Variants in ACTR8 observed in about 807,000 individuals in gnomAD.
ACTR8 encodes the protein actin-related protein 8.
A neutral mutation model predicts 84.3 loss-of-function variants in ACTR8; 70 were observed. The ratio of observed to expected loss-of-function variants is 0.83; its 90% CI spans 0.68 to 1.01. The LOEUF is 1.01. Among genes scored for constraint, ACTR8 ranks in the 50% least tolerant of loss-of-function variants. The pLI is 0.00. For missense variants in ACTR8, 672 were observed against 775.4 expected, an observed-to-expected ratio of 0.87 and a Z score of 1.58; for synonymous variants, 268 against 275.2, an observed-to-expected ratio of 0.97 and a Z score of 0.26.
chr3:53,869,925 A>G (rs954987069), intron 12 of ACTR8, 57 bp downstream of exon 12: 1 of 1,591,018 alleles, frequency 6.3e-7, no homozygotes, highest in Admixed American at 1.7e-5. Context: ...TGATCTGTCC[A>G]CATACAAGGC....
chr3:53,876,089 G>GC lies in ACTR8; in HGVS notation c.779-10_779-9insG. The GC allele has an allele frequency of 1.3e-6, 2 of 1,582,232 alleles. No individual in the cohort carries two copies. Among genetic ancestry groups the GC allele is most frequent in the South Asian group, 2.2e-5 (2 of 89,970 alleles). On this transcript the variant is annotated splice_polypyrimidine_tract_variant and intron_variant, in intron 6 of 12. Transcript: ENST00000335754. ...CTGATGGACCACAATCCCTGGGGGGGGAAAAGAAAAGGCAGAGTAGTCATT... is the reference window on the plus strand; with the variant it reads ...CTGATGGACCACAATCCCTGGGGGGGCGAAAAGAAAAGGCAGAGTAGTCATT...
In ACTR8 at chr3:53,867,492, C is replaced by T. The variant is rs762794296; in HGVS notation, c.*1227G>A. The T allele has an allele frequency of 1.3e-5, 2 of 152,222 alleles. No individual in the cohort carries two copies. Among genetic ancestry groups the T allele is most frequent in the African/African-American group, 2.4e-5 (1 of 41,444 alleles). The allele number at this position is 152,222 out of a possible 1,614,324, so 9.4% of individuals were successfully genotyped here. The stretch of plus-strand genomic sequence containing the variant: ...AGGGTACTCCCATTGATACAAAATG[C>T]TCAGGTACCGGCATTTCTCCACATC... On this transcript the variant is annotated 3_prime_UTR_variant, in exon 13 of 13. Transcript: ENST00000335754.
chr3:53,872,496 G>C lies in ACTR8; in HGVS notation c.1190C>G (p.Thr397Ser). ...QAPMALFYPA[T>S]FGIVGQKMTT... is the part of the protein sequence containing the mutation. ...CATTTTCTGTCCAACGATTCCAAAA[G>C]TTGCGGGGTAAAACAAAGCCATTGG... is the stretch of plus-strand genomic sequence containing the variant. The change falls in exon 10 of 13, where the codon ACT (threonine) becomes AGT (serine). Residue 397 changes from threonine (T) to serine (S), a missense_variant. Physicochemically the swap from Thr to Ser is moderately conservative, Grantham distance 58. Transcript: ENST00000335754. 2 of 1,609,882 alleles carry C rather than the reference G, an allele frequency of 1.2e-6. No homozygotes were observed. Among genetic ancestry groups the C allele is most frequent in the Non-Finnish European group, 1.7e-6 (2 of 1,178,592 alleles).
At chr3:53,879,558 T>C (rs556354643) in intron 2 of ACTR8, among the ~76,000 whole-genome samples, 6 of 152,326 alleles carry the variant, frequency 3.9e-5, no homozygotes, top group African/African-American at 1.4e-4. Context: ...TCTAATTTGC[T>C]AATGGATTGA....
the ACTR8 span, chr3:53,861,287 C>T: frequency 1.3e-5 from 2 of 148,150 alleles, no homozygotes; most frequent in African/African-American, 2.5e-5. Context: ...TGAAAAAAAG[C>T]AAAAAAAACT....
the ACTR8 span, chr3:53,859,044 C>T: frequency 2.2e-6 from 1 of 445,478 alleles, no homozygotes; most frequent in South Asian, 4.3e-5. Flanking sequence ...CTTTACAAAG[C>T]AGGATACACA....
intron 3 of ACTR8, 87 bp from the exon 4 acceptor site, chr3:53,877,838 T>A: frequency 9.2e-7 from 1 of 1,086,304 alleles, no homozygotes; most frequent in South Asian, 1.5e-5. Flanking sequence ...TCTCACATAC[T>A]AGACACATTG....
chr3:53,878,280 G>A (rs1700005301), intron 3 of ACTR8, 77 bp downstream of exon 3: 1 of 1,084,348 alleles, frequency 9.2e-7, no homozygotes, highest in African/African-American at 1.6e-5. Context: ...TTGCATAGTG[G>A]TATAGGAAGA....
At chr3:53,860,245 T>C in the ACTR8 span, 12 of 1,570,236 alleles carry the variant, frequency 7.6e-6, no homozygotes, top group Non-Finnish European at 1.0e-5. Context: ...GTTATAATTC[T>C]TTAAAGACAT....
Position 53,879,969 on chromosome 3 carries a change from CT to C in ACTR8, c.263del (p.Lys88ArgfsTer6), listed in dbSNP as rs780286819. On this transcript the variant is annotated frameshift_variant, in exon 2 of 13. Coordinates refer to ENST00000335754, the MANE Select transcript of ACTR8 (RefSeq NM_022899.5). LOFTEE classifies it high-confidence loss of function. ...RHKQQGQPLY[K>X]DSWLLREGLN... ...GTCCCTCCCTTAGGAGCCAACTGTC[CT>C]TGTATAGGGGCTGCCCTTGTTGTTT... 5 of 1,613,630 alleles carry C rather than the reference CT, an allele frequency of 3.1e-6. No individual in the cohort carries two copies. The highest frequency in any genetic ancestry group is 2.2e-5 in the East Asian group (1 of 44,878).
At chr3:53,875,188 T>A (rs894276330) in intron 7 of ACTR8, among the ~76,000 whole-genome samples, 4 of 152,228 alleles carry the variant, frequency 2.6e-5, no homozygotes, top group African/African-American at 9.6e-5. Flanking sequence ...TAACAATGGA[T>A]GAGCCAAATA....
In ACTR8 at chr3:53,870,695, G is replaced by A. The variant is rs1047856110; in HGVS notation, c.1567+537C>T. Among the ~76,000 whole-genome samples the A allele has an allele frequency of 6.6e-6, 1 of 151,998 alleles. No individual in the cohort carries two copies. The highest frequency in any genetic ancestry group is 1.5e-5 in the Non-Finnish European group (1 of 67,982). On this transcript the variant is annotated intron_variant, in intron 11 of 12. Transcript: ENST00000335754. This position sits in a 1 kb window ranked among gnomAD's most constrained non-coding sequence, Gnocchi z 4.1. The stretch of plus-strand genomic sequence containing the variant: ...AAAGGGACCCACAAGATCCACTACG[G>A]GTGGTCGTCCCCTGCTTCTCTAGCC...
chr3:53,860,268 A>G, the ACTR8 span: 3 of 1,521,784 alleles, frequency 2.0e-6, no homozygotes, highest in East Asian at 2.3e-5. Context: ...TAGTAAGGAA[A>G]TAACATTTTG....
downstream of ACTR8, chr3:53,865,174 G>A: frequency 6.2e-7 from 1 of 1,614,104 alleles, no homozygotes; most frequent in African/African-American, 1.3e-5. Flanking sequence ...CGATTACAAT[G>A]CTCTCAGTGT....
chr3:53,864,890 T>C, downstream of ACTR8: 1 of 1,614,222 alleles, frequency 6.2e-7, no homozygotes, highest in Non-Finnish European at 8.5e-7. Flanking sequence ...AGTGAGGTCA[T>C]CCTTGAAAAG....
chr3:53,872,079 T>C (rs529220910), intron 10 of ACTR8, among the ~76,000 whole-genome samples: 2 of 152,312 alleles, frequency 1.3e-5, no homozygotes, highest in South Asian at 4.1e-4. Context: ...ACAGGTGAGA[T>C]TTTAATGAAA....
Position 53,871,473 on chromosome 3 carries a change from T to A in ACTR8, c.1326A>T (p.Arg442=). 3 of 1,614,176 alleles carry A rather than the reference T, an allele frequency of 1.9e-6. No homozygotes were observed. Among genetic ancestry groups the A allele is most frequent in the Non-Finnish European group, 1.7e-6 (2 of 1,180,034 alleles). The change falls in exon 11 of 13, where the codon CGA becomes CGT. Residue 442 remains arginine (R), a synonymous_variant. Coordinates refer to ENST00000335754, the MANE Select transcript of ACTR8 (RefSeq NM_022899.5). The stretch of plus-strand genomic sequence containing the variant: ...ATCCAATAGGTTTGGATGCAGACTT[T>A]CGGTCAGCAGTAGCTTTTGCAGACT... ...QEQSAKATAD[R]KSASKPIGFE... is the part of the protein sequence containing the mutation.
intron 3 of ACTR8, 149 bp downstream of exon 3, chr3:53,878,208 C>T (rs928199605): frequency 2.1e-5 from 14 of 680,530 alleles, no homozygotes; most frequent in East Asian, 1.4e-4. Context: ...AACACTGACT[C>T]GGGTATTCTT....
chr3:53,864,526 C>G (rs1246504272), downstream of ACTR8, among the ~76,000 whole-genome samples: 1 of 151,646 alleles, frequency 6.6e-6, no homozygotes, highest in Non-Finnish European at 1.5e-5. Flanking sequence ...CAGAGTGAGA[C>G]TATGTCTCCA....
Sources: gnomAD v4.1 joint callset for allele counts (sites outside exome capture counted in the v4.1 genomes callset) on GRCh38, gnomAD v4.1.1 for gene constraint, Gnocchi (gnomAD v3.1) non-coding constraint, MANE v1.5 for transcripts, NCBI Gene and HGNC (gene_info 2026-07-23, HGNC 2026-07-21) for gene names.